KDM4C: variants seen among roughly 807,000 people sequenced by gnomAD.
The protein encoded by KDM4C is lysine-specific demethylase 4C.
Under a neutral mutation model 129.3 loss-of-function variants are expected in KDM4C, and 81 were observed. The observed-to-expected ratio is 0.63, with a 90% CI of 0.52 to 0.75. The LOEUF is 0.75. KDM4C is among the 30% of genes least tolerant of loss of function. The pLI, the probability that KDM4C is intolerant of heterozygous loss-of-function variation, is 0.00. For synonymous variants in KDM4C, 573 were observed against 456.1 expected (o/e 1.26, Z -3.26); for missense variants, 1,457 against 1,304.0 (o/e 1.12, Z -1.81).
intron 9 of KDM4C, 118 bp downstream of exon 9, chr9:6,981,236 T>G: frequency 1.4e-6 from 1 of 707,778 alleles, no homozygotes; most frequent in South Asian, 2.4e-5. Context: ...CTTAATACCT[T>G]TCTGAAAATG....
chr9:6,772,921 C>G lies in KDM4C; in HGVS notation c.-18+14718C>G, dbSNP rs557182120. ...ATGTTGGCCAGGCTGGTCCCGAACT[C>G]TTGACCGCAGGTGATCCACCCACCT... On this transcript the variant is annotated intron_variant, in intron 1 of 21. Transcript: ENST00000381309. 1.7e-3 allele frequency among the ~76,000 whole-genome samples: 261 copies of G among 151,554 alleles called. 1 individual carries two copies. The highest frequency in any genetic ancestry group is 0.01 in the Middle Eastern group (3 of 292).
In KDM4C at chr9:6,919,561, A is replaced by G. The variant is rs189729067; in HGVS notation, c.921+26329A>G. On this transcript the variant is annotated intron_variant, in intron 8 of 21. Transcript: ENST00000381309. ...TGTCTGTCTGTCTATCTATCTATCT[A>G]TCTATCTATCTATCTATCTATCTAT... Among the ~76,000 whole-genome samples, 75 of 149,564 alleles carry G rather than the reference A, an allele frequency of 5.0e-4. 1 individual carries two copies. In the East Asian group the frequency reaches 6.5e-3, roughly 13 times the overall value.
chr9:6,942,669 A>T (rs1354313018), intron 8 of KDM4C: 1 of 152,160 alleles, frequency 6.6e-6, no homozygotes, highest in Non-Finnish European at 1.5e-5. Flanking sequence ...TCTTTGTTTT[A>T]GGGCTGTGGA....
At chr9:6,863,187 G>A (rs1013813666) in intron 5 of KDM4C, among the ~76,000 whole-genome samples, 1 of 151,694 alleles carries the variant, frequency 6.6e-6, no homozygotes, top group African/African-American at 2.4e-5. Flanking sequence ...CCCATGTTTT[G>A]ATTTTTTGTT....
Position 6,893,178 on chromosome 9 carries a change from A to T in KDM4C, c.867A>T (p.Glu289Asp). 6.2e-7 allele frequency: 1 copy of T among 1,611,796 alleles called. No individual in the cohort carries two copies. The highest frequency in any genetic ancestry group is 8.5e-7 in the Non-Finnish European group (1 of 1,178,962). ...TTAATCATGGTTTCAACTGTGCAGA[A>T]TCTACAAATTTTGCTACTGTCAGAT... Reference protein sequence around the residue: ...AGFNHGFNCAESTNFATVRWI... With the variant: ...AGFNHGFNCADSTNFATVRWI... Residue 289 changes from glutamate (E) to aspartate (D), a missense_variant, in exon 8 of 22, where the codon GAA becomes GAT. Coordinates refer to ENST00000381309, the MANE Select transcript of KDM4C (RefSeq NM_015061.6).
intron 20 of KDM4C, among the ~76,000 whole-genome samples, chr9:7,169,026 CA>C (rs1844683297): frequency 7.8e-6 from 1 of 128,646 alleles, no homozygotes; most frequent in Non-Finnish European, 1.6e-5. Context: ...GCCTGAGCAA[CA>C]GGGCAAGGCC....
chr9:6,941,949 T>C (rs1589227411), intron 8 of KDM4C: 1 of 152,188 alleles, frequency 6.6e-6, no homozygotes, highest in South Asian at 2.1e-4. Context: ...TAATTGCCAG[T>C]GTTTGAGTAT....
At chr9:6,889,252 G>GTGTGTGTGTGTGTGTGTGTGTGT (rs747649175) in intron 7 of KDM4C, among the ~76,000 whole-genome samples, 9 of 75,004 alleles carry the variant, frequency 1.2e-4, no homozygotes, top group African/African-American at 4.4e-4. Flanking sequence ...TGTGTGTGTG[G>GTGTGTGTGTGTGTGTGTGTGTGT]GAGGGTGGGG....
At chr9:6,995,142 T>A (rs1819460125) in intron 12 of KDM4C, among the ~76,000 whole-genome samples, 1 of 74,810 alleles carries the variant, frequency 1.3e-5, no homozygotes, top group South Asian at 1.3e-3. Flanking sequence ...TTTCCTAGGA[T>A]TTTTTTTTTT....
chr9:7,103,660 G>A (rs376593788), intron 17 of KDM4C, 25 bp from the exon 18 acceptor site: 4 of 1,525,926 alleles, frequency 2.6e-6, no homozygotes, highest in East Asian at 2.5e-5. Flanking sequence ...GTGAATTGAT[G>A]TTCTTCTCTG....
chr9:7,118,276 C>T (rs111509092), intron 18 of KDM4C, among the ~76,000 whole-genome samples: 2 of 152,320 alleles, frequency 1.3e-5, no homozygotes, highest in African/African-American at 2.4e-5. Context: ...TAAAAGTACA[C>T]GTGAACATAC....
At chr9:6,864,591 C>T (rs188129454) in intron 5 of KDM4C, among the ~76,000 whole-genome samples, 9 of 152,130 alleles carry the variant, frequency 5.9e-5, no homozygotes, top group African/African-American at 1.9e-4. Context: ...CTGCCTCAGC[C>T]CTCCATAGCT....
chr9:7,042,065 A>G (rs1303257985), intron 15 of KDM4C, among the ~76,000 whole-genome samples: 2 of 152,088 alleles, frequency 1.3e-5, no homozygotes, highest in African/African-American at 4.8e-5. Context: ...TATGTTATCT[A>G]GAACCACAGT....
chr9:6,932,298 C>G (rs941587401), intron 8 of KDM4C, among the ~76,000 whole-genome samples: 4 of 152,190 alleles, frequency 2.6e-5, no homozygotes, highest in African/African-American at 7.2e-5. Context: ...CAAGCCGACT[C>G]TCCTGTTTCT....
At chr9:6,972,881 T>G (rs564946906) in intron 8 of KDM4C, among the ~76,000 whole-genome samples, 46 of 152,380 alleles carry the variant, frequency 3.0e-4, no homozygotes, top group African/African-American at 1.1e-3. Flanking sequence ...GTAAGAACAC[T>G]GAAATCCATT....
intron 8 of KDM4C, among the ~76,000 whole-genome samples, chr9:6,915,360 G>A (rs1381802390): frequency 6.6e-6 from 1 of 152,152 alleles, no homozygotes. Flanking sequence ...GGTAACAAAA[G>A]AAAATGACCT....
At chr9:6,892,953 T>G (rs998805281) in intron 7 of KDM4C, 142 bp from the exon 8 acceptor site, 6 of 523,472 alleles carry the variant, frequency 1.1e-5, no homozygotes, top group Non-Finnish European at 1.5e-5. Context: ...GATTAAGTAA[T>G]GAATCTGGTG....
intron 6 of KDM4C, among the ~76,000 whole-genome samples, chr9:6,881,073 G>A (rs1020893401): frequency 1.3e-5 from 2 of 152,164 alleles, no homozygotes; most frequent in African/African-American, 4.8e-5. Context: ...TGTTAGGTTT[G>A]CCTTCTATTA....
At chr9:6,974,150 A>C (rs1486111498) in intron 8 of KDM4C, among the ~76,000 whole-genome samples, 1 of 152,132 alleles carries the variant, frequency 6.6e-6, no homozygotes, top group Non-Finnish European at 1.5e-5. Flanking sequence ...CTTATCCATA[A>C]ATTAGGATAT....
Sources: allele counts gnomAD v4.1 joint callset (sites outside exome capture counted in the v4.1 genomes callset), GRCh38; gene constraint gnomAD v4.1.1; transcripts MANE v1.5; gene names NCBI Gene and HGNC (gene_info 2026-07-23, HGNC 2026-07-21).